Variants in FGD6 observed in about 807,000 individuals in gnomAD.
FGD6 encodes the protein FYVE, RhoGEF and PH domain containing 6.
In FGD6, 90 loss-of-function variants were observed where a neutral mutation model predicts 149.4. That is an observed-to-expected ratio of 0.60 (90% CI 0.51 to 0.72). FGD6 has a LOEUF of 0.72. FGD6 is among the 30% of genes least tolerant of loss of function. The pLI, the probability that FGD6 is intolerant of heterozygous loss-of-function variation, is 0.00. For missense variants in FGD6, 1,437 were observed against 1,684.8 expected, an observed-to-expected ratio of 0.85 and a Z score of 2.57; for synonymous variants, 527 against 584.0, an observed-to-expected ratio of 0.90 and a Z score of 1.41.
chr12:95,122,048 T>G (rs922819045), intron 8 of FGD6, among the ~76,000 whole-genome samples: 4 of 152,208 alleles, frequency 2.6e-5, no homozygotes, highest in Non-Finnish European at 5.9e-5. Context: ...TGCAATGCTA[T>G]TGTGTAACTT....
At chr12:95,200,679 T>TACTCCACTG (rs1252233489) in intron 2 of FGD6, among the ~76,000 whole-genome samples, 3 of 152,206 alleles carry the variant, frequency 2.0e-5, no homozygotes, top group African/African-American at 7.2e-5. Flanking sequence ...TCATCATATT[T>TACTCCACTG]ACTCCACTGA....
chr12:95,085,602 TCTCCAGGTACAAAGCAAGAA>T, intron 19 of FGD6, 158 bp downstream of exon 19: 1 of 599,000 alleles, frequency 1.7e-6, no homozygotes, highest in Non-Finnish European at 2.7e-6. Flanking sequence ...GAGAAAGAGC[TCTCCAGGTACAAAGCAAGAA>T]CACTGTTCAC....
rs1229481452 is a variant in FGD6 at position 95,080,134 on chromosome 12, T to C, written c.*1386A>G. ...GACCGGCTAATTCTTGTATTTTTAA[T>C]AGAGATGGGGTTTCACCATATTGGC... On this transcript the variant is annotated 3_prime_UTR_variant, in exon 21 of 21. Coordinates refer to ENST00000343958, the MANE Select transcript of FGD6 (RefSeq NM_018351.4). 6.6e-6 allele frequency: 1 copy of C among 152,010 alleles called. No homozygotes were observed. The highest frequency in any genetic ancestry group is 1.5e-5 in the Non-Finnish European group (1 of 68,006). 9.4% of individuals were successfully genotyped at this position (152,010 alleles called of 1,614,324 possible).
chr12:95,119,590 C>T (rs1373119015), intron 8 of FGD6, among the ~76,000 whole-genome samples: 1 of 152,212 alleles, frequency 6.6e-6, no homozygotes. Flanking sequence ...AAATACTGTC[C>T]TCTTTTACTT....
At chr12:95,186,458 A>G (rs1881439449) in intron 2 of FGD6, among the ~76,000 whole-genome samples, 1 of 150,516 alleles carries the variant, frequency 6.6e-6, no homozygotes, top group South Asian at 2.1e-4. Context: ...TCAGCCTCCC[A>G]AAGTGCTGGG....
chr12:95,116,065 AC>A (rs5800182), intron 8 of FGD6, among the ~76,000 whole-genome samples: 95,546 of 151,980 alleles, frequency 0.63, 30,307 homozygotes, highest in East Asian at 0.68. Context: ...AAGTGGGCAC[AC>A]ACAAAAAATA....
chr12:95,160,558 C>A (rs1336975215), intron 3 of FGD6, among the ~76,000 whole-genome samples: 3 of 152,158 alleles, frequency 2.0e-5, no homozygotes, highest in Non-Finnish European at 4.4e-5. Context: ...GATGGCCCAA[C>A]CCCCATGCCC....
At chr12:95,116,347 C>T (rs1385328773) in intron 8 of FGD6, among the ~76,000 whole-genome samples, 2 of 152,186 alleles carry the variant, frequency 1.3e-5, no homozygotes, top group Non-Finnish European at 2.9e-5. Context: ...TAGATAGTTA[C>T]TATATCTTGT....
intron 9 of FGD6, among the ~76,000 whole-genome samples, chr12:95,111,948 A>G (rs2136243603): frequency 6.6e-6 from 1 of 152,250 alleles, no homozygotes; most frequent in Admixed American, 6.6e-5. Context: ...CAAGAATGTG[A>G]TCAGGCCAGG....
intron 2 of FGD6, among the ~76,000 whole-genome samples, chr12:95,208,251 CA>C (rs532858278): frequency 2.7e-5 from 4 of 148,838 alleles, no homozygotes; most frequent in South Asian, 2.2e-4. Context: ...GACCTCATCT[CA>C]AAAAAAAAAT....
rs546186178 is a variant in FGD6 at position 95,113,359 on chromosome 12, A to G, written c.3133+292T>C. ...GCAATTCTCCTGCCTCAGCCTCCCA[A>G]GAAGCTGGGATTACAGACGTGCACC... On this transcript the variant is annotated intron_variant, in intron 9 of 20. Transcript: ENST00000343958. Among the ~76,000 whole-genome samples the G allele has an allele frequency of 4.0e-5, 6 of 151,666 alleles. No individual in the cohort carries two copies. The East Asian group carries it at 9.7e-4, about 25-fold the overall frequency.
At chr12:95,127,219 CA>C (rs1350479130) in intron 8 of FGD6, among the ~76,000 whole-genome samples, 10 of 151,710 alleles carry the variant, frequency 6.6e-5, no homozygotes, top group African/African-American at 2.2e-4. Context: ...ACTTGCTAAA[CA>C]GAAGTTTTCC....
chr12:95,115,955 C>A (rs957536821), intron 8 of FGD6, among the ~76,000 whole-genome samples: 1 of 152,134 alleles, frequency 6.6e-6, no homozygotes, highest in African/African-American at 2.4e-5. Context: ...AGCTTCCCTG[C>A]GCCATGGCAT....
chr12:95,172,600 C>T lies in FGD6; in HGVS notation c.2586G>A (p.Gln862=), dbSNP rs1332717020. The T allele has an allele frequency of 2.5e-6, 4 of 1,603,090 alleles. No homozygotes were observed. Among genetic ancestry groups the T allele is most frequent in the Non-Finnish European group, 3.4e-6 (4 of 1,173,608 alleles). Residue 862 remains glutamine, a splice_region_variant and synonymous_variant, in exon 3 of 21, where the codon CAG becomes CAA. Coordinates refer to ENST00000343958, the MANE Select transcript of FGD6 (RefSeq NM_018351.4). ...GAAGCAATTAAGTACCAAAGTATAC[C>T]TGTTTATCTTCCAGTGGGTCAGGCT... The part of the protein sequence containing the change: ...KGEPDPLEDK[Q]DEDNGMKSKV...
intron 5 of FGD6, among the ~76,000 whole-genome samples, chr12:95,142,709 T>C (rs905076720): frequency 6.6e-6 from 1 of 152,230 alleles, no homozygotes; most frequent in East Asian, 1.9e-4. Context: ...AATTAGATAT[T>C]GCACATAAAA....
intron 5 of FGD6, among the ~76,000 whole-genome samples, chr12:95,148,865 G>T (rs55700829): frequency 0.014 from 133 of 9,198 alleles, 19 homozygotes; most frequent in South Asian, 0.11. Context: ...TATTATATAA[G>T]ATATAGCATA....
At chr12:95,145,734 G>C (rs1282746529) in intron 5 of FGD6, among the ~76,000 whole-genome samples, 1 of 151,724 alleles carries the variant, frequency 6.6e-6, no homozygotes, top group Admixed American at 6.6e-5. Context: ...CTGGAGTGTG[G>C]TACGATCTCG....
rs913540588 is a variant in FGD6 at position 95,217,318 on chromosome 12, G to T, written c.-78C>A. 56 of 1,505,482 alleles carry T rather than the reference G, an allele frequency of 3.7e-5. No homozygotes were observed. The highest frequency in any genetic ancestry group is 4.8e-5 in the Non-Finnish European group (54 of 1,119,336). The allele number at this position is 1,505,482 out of a possible 1,614,324, so 93.3% of individuals were successfully genotyped here. On this transcript the variant is annotated 5_prime_UTR_variant, in exon 1 of 21. Transcript: ENST00000343958. ...TTTCAGTCCATTGTTCCCACAGTTCGGGTAGGAGAGAAAAGCCCCCGCAGC... is the reference window on the plus strand; with the variant it reads ...TTTCAGTCCATTGTTCCCACAGTTCTGGTAGGAGAGAAAAGCCCCCGCAGC...
At chr12:95,134,901 G>A in intron 7 of FGD6, 75 bp from the exon 8 acceptor site, 3 of 1,218,334 alleles carry the variant, frequency 2.5e-6, no homozygotes, top group Non-Finnish European at 3.5e-6. Context: ...TGCTCAGGAA[G>A]CCAAACTTTA....
Sources: gnomAD v4.1 joint callset for allele counts (sites outside exome capture counted in the v4.1 genomes callset) on GRCh38, gnomAD v4.1.1 for gene constraint, MANE v1.5 for transcripts, NCBI Gene and HGNC (gene_info 2026-07-23, HGNC 2026-07-21) for gene names.